WDR70: variants seen among roughly 807,000 people sequenced by gnomAD.
WDR70 encodes the protein WD repeat-containing protein 70.
Under a neutral mutation model 88.6 loss-of-function variants are expected in WDR70, and 53 were observed. The ratio of observed to expected loss-of-function variants is 0.60; its 90% CI spans 0.48 to 0.75. The LOEUF is 0.75. Ranked by LOEUF, WDR70 falls within the 30% of genes least tolerant of loss-of-function variation. The pLI is 0.00. For synonymous variants in WDR70, 280 were observed against 270.0 expected (o/e 1.04, Z -0.36); for missense variants, 610 against 823.2 (o/e 0.74, Z 3.17).
intron 10 of WDR70, among the ~76,000 whole-genome samples, chr5:37,638,831 C>G (rs1162229524): frequency 6.6e-6 from 1 of 152,166 alleles, no homozygotes; most frequent in African/African-American, 2.4e-5. Context: ...AAAGTAATAA[C>G]TGACACCTCA....
At chr5:37,471,711 C>T (rs1381641990) in intron 7 of WDR70, among the ~76,000 whole-genome samples, 1 of 151,444 alleles carries the variant, frequency 6.6e-6, no homozygotes, top group Admixed American at 6.6e-5. Context: ...ATTTTATCTT[C>T]CAGAAGTTTA....
chr5:37,728,006 A>G (rs530465832), intron 17 of WDR70, among the ~76,000 whole-genome samples: 2 of 152,108 alleles, frequency 1.3e-5, no homozygotes, highest in African/African-American at 4.8e-5. Context: ...ACTTTACATA[A>G]TCTTAGTACA....
At chr5:37,466,127 AT>A (rs1248988116) in intron 7 of WDR70, among the ~76,000 whole-genome samples, 1 of 152,138 alleles carries the variant, frequency 6.6e-6, no homozygotes. Flanking sequence ...TTGAGTAGTC[AT>A]TTTTATATTT....
chr5:37,685,401 G>C (rs1297101832), intron 10 of WDR70, among the ~76,000 whole-genome samples: 1 of 152,046 alleles, frequency 6.6e-6, no homozygotes, highest in South Asian at 2.1e-4. Flanking sequence ...CCCCACTGGA[G>C]CTCTCCACTG....
chr5:37,655,570 C>T (rs1005379269), intron 10 of WDR70, among the ~76,000 whole-genome samples: 2 of 152,146 alleles, frequency 1.3e-5, no homozygotes, highest in African/African-American at 2.4e-5. Context: ...CTTTCAGGTA[C>T]ACCCGTCAAA....
chr5:37,399,295 A>G (rs1386077145), intron 5 of WDR70, among the ~76,000 whole-genome samples: 1 of 152,044 alleles, frequency 6.6e-6, no homozygotes, highest in Non-Finnish European at 1.5e-5. Context: ...CACAAAAAAA[A>G]TTAGCCAGGC....
chr5:37,662,031 C>T (rs1046011831), intron 10 of WDR70, among the ~76,000 whole-genome samples: 1 of 152,306 alleles, frequency 6.6e-6, no homozygotes, highest in Admixed American at 6.5e-5. Context: ...AAACCATAAA[C>T]TGAATTCCTT....
chr5:37,410,244 G>A (rs1581256508), intron 5 of WDR70, among the ~76,000 whole-genome samples: 1 of 121,868 alleles, frequency 8.2e-6, no homozygotes, highest in East Asian at 2.5e-4. Context: ...TTCCCATGTT[G>A]CCAAGGCTGG....
chr5:37,639,653 C>T (rs981933014), intron 10 of WDR70, among the ~76,000 whole-genome samples: 1 of 151,976 alleles, frequency 6.6e-6, no homozygotes, highest in Non-Finnish European at 1.5e-5. Context: ...ATAATAAGCT[C>T]CTTGAGGGCA....
At chr5:37,430,298 AAC>A (rs1750262804) in intron 5 of WDR70, among the ~76,000 whole-genome samples, 1 of 152,204 alleles carries the variant, frequency 6.6e-6, no homozygotes, top group African/African-American at 2.4e-5. Flanking sequence ...TAAGGTAGAA[AAC>A]AGTGTGACTG....
At chr5:37,579,595 A>T (rs1013468116) in intron 9 of WDR70, among the ~76,000 whole-genome samples, 2 of 151,756 alleles carry the variant, frequency 1.3e-5, no homozygotes, top group African/African-American at 4.8e-5. Flanking sequence ...AAAAAAAAAA[A>T]AAAAAAAAAA....
At chr5:37,468,585 T>G (rs1256128070) in intron 7 of WDR70, among the ~76,000 whole-genome samples, 2 of 152,212 alleles carry the variant, frequency 1.3e-5, no homozygotes, top group Non-Finnish European at 2.9e-5. Context: ...TGCATAATTT[T>G]TTTTTGTAGG....
chr5:37,687,003 T>G (rs1241653520), intron 10 of WDR70, among the ~76,000 whole-genome samples: 1 of 151,128 alleles, frequency 6.6e-6, no homozygotes, highest in Admixed American at 6.6e-5. Context: ...ATAAGGTAGT[T>G]AATTATCAAT....
At chr5:37,571,719 T>C (rs1367392750) in intron 9 of WDR70, among the ~76,000 whole-genome samples, 2 of 152,130 alleles carry the variant, frequency 1.3e-5, no homozygotes, top group Non-Finnish European at 2.9e-5. Context: ...ACTTTGAAAA[T>C]TGGCAACATC....
At chr5:37,531,592 T>C (rs946777285) in intron 9 of WDR70, among the ~76,000 whole-genome samples, 11 of 111,374 alleles carry the variant, frequency 9.9e-5, no homozygotes, top group African/African-American at 5.7e-4. Context: ...TTTTTCTTTT[T>C]TTTTTTTTTT....
intron 8 of WDR70, among the ~76,000 whole-genome samples, chr5:37,503,342 G>T (rs1158436071): frequency 6.6e-6 from 1 of 151,926 alleles, no homozygotes. Context: ...ATGGGGATTG[G>T]TTGTACAAAT....
chr5:37,729,953 C>T (rs1272857955), intron 17 of WDR70, among the ~76,000 whole-genome samples: 1 of 152,006 alleles, frequency 6.6e-6, no homozygotes, highest in African/African-American at 2.4e-5. Flanking sequence ...CCTGGTGTAT[C>T]TTTCGGGTAT....
intron 10 of WDR70, among the ~76,000 whole-genome samples, chr5:37,631,829 A>T (rs528735295): frequency 2.0e-5 from 3 of 152,220 alleles, no homozygotes; most frequent in African/African-American, 4.8e-5. Context: ...CACGGGTGAA[A>T]TTGTCTGTTG....
intron 5 of WDR70, among the ~76,000 whole-genome samples, chr5:37,413,546 C>T (rs2111963733): frequency 6.6e-6 from 1 of 151,808 alleles, no homozygotes; most frequent in South Asian, 2.1e-4. Flanking sequence ...TATGGTGAAT[C>T]CCTGTCTCTA....
Sources: allele counts gnomAD v4.1 joint callset (sites outside exome capture counted in the v4.1 genomes callset), GRCh38; gene constraint gnomAD v4.1.1; transcripts MANE v1.5; gene names NCBI Gene and HGNC (gene_info 2026-07-23, HGNC 2026-07-21).